The following CACNA1C variants were observed in gnomAD, a reference collection of about 807,000 sequenced individuals.
The protein encoded by CACNA1C is calcium voltage-gated channel subunit alpha1 C.
A neutral mutation model predicts 229.0 loss-of-function variants in CACNA1C; 30 were observed. That is an observed-to-expected ratio of 0.13 (90% CI 0.10 to 0.18). The LOEUF is 0.18. Ranked by LOEUF, CACNA1C falls within the 10% of genes least tolerant of loss-of-function variation. CACNA1C has a pLI of 1.00. For synonymous variants in CACNA1C, 1,114 were observed against 1,132.5 expected (o/e 0.98, Z 0.33); for missense variants, 1,658 against 2,845.0 (o/e 0.58, Z 9.49).
chr12:2,378,614 G>C (rs1346104199), intron 3 of CACNA1C, among the ~76,000 whole-genome samples: 2 of 152,198 alleles, frequency 1.3e-5, no homozygotes, highest in Non-Finnish European at 2.9e-5. Context: ...ACAGAAAGAT[G>C]GTCTACTTTG....
rs145443363 is a variant in CACNA1C, at chr12:2,488,924, A to G, written c.916+2662A>G. Among the ~76,000 whole-genome samples, 402 of 152,364 alleles carry G rather than the reference A, an allele frequency of 2.6e-3. 2 individuals are homozygous for G. Among genetic ancestry groups the G allele is most frequent in the Admixed American group, 5.8e-3 (89 of 15,312 alleles). On this transcript the variant is annotated intron_variant, in intron 6 of 46. Transcript: ENST00000399655. The surrounding 1 kb of genome is among the most constrained non-coding windows in gnomAD (Gnocchi z 4.0). ...CTTAGCACAACACGATGCCGCTGCT[A>G]TCAAGCCCTTGTCCACCCACAGAGT...
Position 2,691,134 on chromosome 12 carries a change from CGCGCGCGG to C in CACNA1C, c.6354_6361del (p.Ala2119SerfsTer4). The stretch of plus-strand genomic sequence containing the variant: ...GGGCGAAGAGGACGCGGGCTGTGTG[CGCGCGCGG>C]GGTCGACCGAGTGAGGAGGAGCTCC... On this transcript the variant is annotated frameshift_variant, in exon 47 of 47. Coordinates refer to ENST00000399655, the MANE Select transcript of CACNA1C (RefSeq NM_000719.7). LOFTEE classifies it high-confidence loss of function. 3 of 1,606,598 alleles carry C rather than the reference CGCGCGCGG, an allele frequency of 1.9e-6. No homozygotes were observed. Among genetic ancestry groups the C allele is most frequent in the Non-Finnish European group, 1.7e-6 (2 of 1,174,824 alleles).
chr12:2,584,476 A>G (rs1568580807), intron 15 of CACNA1C, 27 bp from the exon 16 acceptor site: 2 of 1,570,228 alleles, frequency 1.3e-6, no homozygotes, highest in Admixed American at 1.7e-5. Flanking sequence ...ACCAAGGGTC[A>G]TTTTCTTTAA....
chr12:1,980,627 T>C (rs889626165), intron 1 of CACNA1C, among the ~76,000 whole-genome samples: 2 of 124,566 alleles, frequency 1.6e-5, no homozygotes, highest in Non-Finnish European at 3.6e-5. Context: ...TTTTGTTTTA[T>C]AGTAAATGCT....
At position 2,651,434 on chromosome 12, in the gene CACNA1C, G is replaced by C; in HGVS notation, c.3946-206G>C. The stretch of plus-strand genomic sequence containing the variant: ...ACCACAGCCCAGCGGCCTGGGCACA[G>C]TCTAGCTCTGCAGAGACCATGGGGC... On this transcript the variant is annotated intron_variant, in intron 31 of 46. Transcript: ENST00000399655. The surrounding 1 kb of genome is among the most constrained non-coding windows in gnomAD (Gnocchi z 5.4). 1.5e-6 allele frequency: 1 copy of C among 653,586 alleles called. No homozygotes were observed. The highest frequency in any genetic ancestry group is 2.7e-5 in the Admixed American group (1 of 36,910). 40.5% of individuals were successfully genotyped at this position (653,586 alleles called of 1,614,324 possible). A position where few individuals can be genotyped will look rare whatever the true frequency, so the allele number is the denominator to read the frequency against.
At chr12:2,327,491 G>A (rs770329305) in intron 3 of CACNA1C, among the ~76,000 whole-genome samples, 4 of 152,172 alleles carry the variant, frequency 2.6e-5, no homozygotes, top group African/African-American at 9.7e-5. Flanking sequence ...TTCTGATTTC[G>A]TTCTGTGCCT....
intron 8 of CACNA1C, among the ~76,000 whole-genome samples, chr12:2,506,711 C>T (rs1850742054): frequency 6.6e-6 from 1 of 152,152 alleles, no homozygotes; most frequent in Non-Finnish European, 1.5e-5. Flanking sequence ...AGTAGCAGAA[C>T]CAGAGCCAGC....
intron 5 of CACNA1C, among the ~76,000 whole-genome samples, chr12:2,471,886 G>A (rs2099595393): frequency 6.6e-6 from 1 of 152,194 alleles, no homozygotes; most frequent in African/African-American, 2.4e-5. Context: ...TCACCATCTT[G>A]GCCAGGCTGG....
chr12:2,361,364 T>C (rs2097553073), intron 3 of CACNA1C, among the ~76,000 whole-genome samples: 1 of 152,204 alleles, frequency 6.6e-6, no homozygotes, highest in Non-Finnish European at 1.5e-5. Flanking sequence ...GACTTTCCAG[T>C]GTCCTGCATG....
At chr12:2,548,387 C>A (rs2099886605) in intron 9 of CACNA1C, among the ~76,000 whole-genome samples, 1 of 150,242 alleles carries the variant, frequency 6.7e-6, no homozygotes, top group Admixed American at 6.6e-5. Context: ...GACTGGGGCG[C>A]TCAAGATGAA....
chr12:2,473,687 C>T (rs1160516942), intron 5 of CACNA1C, among the ~76,000 whole-genome samples: 3 of 152,126 alleles, frequency 2.0e-5, no homozygotes, highest in Non-Finnish European at 4.4e-5. Context: ...TTGTCAAGGT[C>T]ACACAGTTAT....
chr12:2,055,740 A>G (rs2054457562), intron 1 of CACNA1C, among the ~76,000 whole-genome samples: 1 of 152,200 alleles, frequency 6.6e-6, no homozygotes, highest in African/African-American at 2.4e-5. Context: ...CAGTGATTAT[A>G]TAATTCATGG....
At position 2,235,835 on chromosome 12, in the gene CACNA1C, C is replaced by G. The variant is rs142813875; in HGVS notation, c.477+115405C>G. Among the ~76,000 whole-genome samples the G allele has an allele frequency of 3.5e-3, 540 of 152,298 alleles. 1 individual carries two copies. Among genetic ancestry groups the G allele is most frequent in the African/African-American group, 0.012 (500 of 41,566 alleles). On this transcript the variant is annotated intron_variant, in intron 3 of 46. Coordinates refer to ENST00000399655, the MANE Select transcript of CACNA1C (RefSeq NM_000719.7). ...TCCCAGGTTCCATTTTTCACTTCCA[C>G]TTTGCATCCATCCTCCCATCTGCCT...
chr12:2,144,649 G>A (rs762146542), intron 3 of CACNA1C, among the ~76,000 whole-genome samples: 7 of 151,222 alleles, frequency 4.6e-5, no homozygotes, highest in Admixed American at 2.0e-4. Flanking sequence ...TATTTTACGC[G>A]TGCTACTGAA....
At chr12:2,204,837 A>T (rs1459941237) in intron 3 of CACNA1C, among the ~76,000 whole-genome samples, 1 of 140,470 alleles carries the variant, frequency 7.1e-6, no homozygotes, top group African/African-American at 2.6e-5. Context: ...AGATATACCT[A>T]ATGCTAGATG....
intron 3 of CACNA1C, among the ~76,000 whole-genome samples, chr12:2,164,903 G>T (rs941155493): frequency 6.6e-6 from 1 of 152,224 alleles, no homozygotes; most frequent in Non-Finnish European, 1.5e-5. Flanking sequence ...CATTGAAGTG[G>T]GGAGGGGAAA....
chr12:2,012,607 C>T (rs943848272), intron 1 of CACNA1C, among the ~76,000 whole-genome samples: 5 of 152,168 alleles, frequency 3.3e-5, no homozygotes, highest in African/African-American at 1.2e-4. Context: ...TGTAAATACA[C>T]AATAGATTGG....
At chr12:1,997,272 T>C (rs2041161739) in intron 1 of CACNA1C, among the ~76,000 whole-genome samples, 1 of 152,216 alleles carries the variant, frequency 6.6e-6, no homozygotes. Flanking sequence ...CTCACGCCTG[T>C]AATCCCAGCA....
chr12:2,517,445 A>G (rs1225261924), intron 9 of CACNA1C, among the ~76,000 whole-genome samples: 1 of 152,220 alleles, frequency 6.6e-6, no homozygotes, highest in Non-Finnish European at 1.5e-5. Flanking sequence ...TGCCTCTGCA[A>G]TGGGTTACAG....
Sources: allele counts gnomAD v4.1 joint callset (sites outside exome capture counted in the v4.1 genomes callset), GRCh38; gene constraint gnomAD v4.1.1; non-coding constraint Gnocchi (gnomAD v3.1); transcripts MANE v1.5; gene names NCBI Gene and HGNC (gene_info 2026-07-23, HGNC 2026-07-21).